Variants in KIAA1671 observed in about 807,000 individuals in gnomAD.
KIAA1671 encodes uncharacterized protein KIAA1671.
In KIAA1671, 52 loss-of-function variants were observed where a neutral mutation model predicts 131.2. That is an observed-to-expected ratio of 0.40 (90% CI 0.32 to 0.50). The LOEUF is 0.50. Ranked by LOEUF, KIAA1671 falls within the 20% of genes least tolerant of loss-of-function variation. The pLI is 0.73. For missense variants in KIAA1671, 2,360 were observed against 2,364.2 expected (o/e 1.00, Z 0.04); for synonymous variants, 1,003 against 961.6 (o/e 1.04, Z -0.80).
At position 25,039,369 on chromosome 22, in the gene KIAA1671, G is replaced by T; in HGVS notation, c.2239G>T (p.Ala747Ser). The change falls in exon 5 of 13, where the codon GCC (alanine) becomes TCC (serine). Residue 747 changes from alanine to serine, a missense_variant. This residue lies in a region of KIAA1671 where 1,185 missense variants were observed against 1,126.2 expected (regional missense o/e 1.05). Transcript: ENST00000358431. The stretch of plus-strand genomic sequence containing the variant: ...AGTGGGAGAGCGTGTGCACAGCGAG[G>T]CCATCTCACCGGCACCGGAGGAGAA... ...HAVGERVHSE[A>S]ISPAPEEKAV... is the part of the protein sequence containing the mutation. 6.4e-7 allele frequency: 1 copy of T among 1,551,876 alleles called. No homozygotes were observed. Among genetic ancestry groups the T allele is most frequent in the Non-Finnish European group, 8.7e-7 (1 of 1,147,040 alleles).
chr22:25,061,867 C>T (rs974528494), intron 6 of KIAA1671: 3 of 152,388 alleles, frequency 2.0e-5, no homozygotes, highest in African/African-American at 4.8e-5. Context: ...CAGGCAAGAC[C>T]TTCTAGCTTG....
At chr22:25,145,869 G>A (rs1257156292) in intron 6 of KIAA1671, among the ~76,000 whole-genome samples, 1 of 151,246 alleles carries the variant, frequency 6.6e-6, no homozygotes. Context: ...GAGCCCAGAA[G>A]TTCAAGGCTG....
chr22:25,065,767 G>A (rs916067057), intron 6 of KIAA1671, among the ~76,000 whole-genome samples: 1 of 151,840 alleles, frequency 6.6e-6, no homozygotes, highest in Non-Finnish European at 1.5e-5. Flanking sequence ...AGCCTCCCGA[G>A]TAGGTGGGAT....
chr22:25,151,986 G>A (rs965919388), intron 6 of KIAA1671, among the ~76,000 whole-genome samples: 4 of 152,142 alleles, frequency 2.6e-5, no homozygotes, highest in Admixed American at 2.6e-4. Context: ...TGATCCGCCC[G>A]CCTAAGCCTC....
intron 10 of KIAA1671, among the ~76,000 whole-genome samples, chr22:25,184,055 C>T (rs1032571340): frequency 6.6e-6 from 1 of 152,204 alleles, no homozygotes; most frequent in African/African-American, 2.4e-5. Flanking sequence ...GAAAACGGGG[C>T]TCTGGCCATT....
Position 25,029,045 on chromosome 22 carries a change from A to G in KIAA1671, c.1046A>G (p.Lys349Arg), listed in dbSNP as rs2145788069. The G allele has an allele frequency of 6.6e-7, 1 of 1,506,106 alleles. No individual in the cohort carries two copies. The highest frequency in any genetic ancestry group is 1.4e-5 in the African/African-American group (1 of 71,464). 93.3% of individuals were successfully genotyped at this position (1,506,106 alleles called of 1,614,324 possible). A position where few individuals can be genotyped will look rare whatever the true frequency, so the allele number is the denominator to read the frequency against. ...DPDLDFLEVA[K>R]KIRERKEKML... ...GATTTGGACTTCCTGGAGGTGGCCA[A>G]GAAAATCCGTGAACGGAAGGAGAAG... Residue 349 changes from lysine to arginine, a missense_variant, in exon 3 of 13, where the codon AAG becomes AGG. Around this residue, in one of 3 missense-constraint regions of KIAA1671, gnomAD observed 1,185 missense variants for 1,126.2 expected, o/e 1.05. Transcript: ENST00000358431.
intron 1 of KIAA1671, among the ~76,000 whole-genome samples, chr22:25,002,927 A>G (rs763688044): frequency 2.6e-4 from 39 of 152,120 alleles, no homozygotes; most frequent in Non-Finnish European, 4.9e-4. Context: ...CTACAGGCAC[A>G]AGCCCCCAGT....
chr22:25,023,391 A>C (rs1350769535), intron 1 of KIAA1671: 2 of 152,112 alleles, frequency 1.3e-5, no homozygotes, highest in Non-Finnish European at 2.9e-5. Flanking sequence ...AAATAAAATA[A>C]ATAAAAAATA....
chr22:25,180,278 C>A (rs957422910), intron 9 of KIAA1671, among the ~76,000 whole-genome samples: 1 of 152,230 alleles, frequency 6.6e-6, no homozygotes, highest in Non-Finnish European at 1.5e-5. Context: ...TGGTGGCTCA[C>A]GCCTGTAATC....
chr22:25,118,429 C>T (rs2145924976), intron 6 of KIAA1671, among the ~76,000 whole-genome samples: 1 of 152,270 alleles, frequency 6.6e-6, no homozygotes, highest in African/African-American at 2.4e-5. Flanking sequence ...GCTGGGACTA[C>T]AGGTGTACAC....
chr22:25,139,826 A>G (rs1002521645), intron 6 of KIAA1671, among the ~76,000 whole-genome samples: 1 of 152,166 alleles, frequency 6.6e-6, no homozygotes, highest in Non-Finnish European at 1.5e-5. Context: ...GATATCTAGG[A>G]AAAGGAAGAA....
chr22:25,186,082 G>A (rs1934465980), intron 11 of KIAA1671: 1 of 152,264 alleles, frequency 6.6e-6, no homozygotes, highest in Admixed American at 6.5e-5. Flanking sequence ...TTGGAACACA[G>A]CCACATGCAT....
chr22:24,957,603 G>C (rs1258615962), intron 1 of KIAA1671, among the ~76,000 whole-genome samples: 1 of 150,748 alleles, frequency 6.6e-6, no homozygotes, highest in African/African-American at 2.4e-5. Context: ...TGGGGAGAAT[G>C]TAGGTAAAGC....
At chr22:25,031,669 A>T (rs1926301144) in intron 3 of KIAA1671, among the ~76,000 whole-genome samples, 1 of 152,190 alleles carries the variant, frequency 6.6e-6, no homozygotes, top group Non-Finnish European at 1.5e-5. Context: ...AGTCGATCTT[A>T]TGTGTAGCCG....
chr22:25,145,709 C>T (rs1489171722), intron 6 of KIAA1671, among the ~76,000 whole-genome samples: 7 of 152,136 alleles, frequency 4.6e-5, no homozygotes, highest in African/African-American at 7.2e-5. Context: ...GAAGCCGAGG[C>T]GGGTGGATCA....
chr22:25,016,309 G>A (rs895327334), intron 1 of KIAA1671, among the ~76,000 whole-genome samples: 5 of 151,910 alleles, frequency 3.3e-5, no homozygotes, highest in South Asian at 4.2e-4. Context: ...GTGAGCCACC[G>A]TGCCCAGCCA....
intron 5 of KIAA1671, among the ~76,000 whole-genome samples, chr22:25,046,024 G>C (rs901032898): frequency 6.6e-6 from 1 of 152,076 alleles, no homozygotes; most frequent in South Asian, 2.1e-4. Context: ...GGGTTGTGCC[G>C]GGTGCAGTGG....
intron 6 of KIAA1671, among the ~76,000 whole-genome samples, chr22:25,138,262 G>A (rs557304238): frequency 3.3e-5 from 5 of 152,352 alleles, no homozygotes; most frequent in African/African-American, 1.2e-4. Flanking sequence ...CTGCATGGCT[G>A]ATGGAAGGAG....
chr22:25,182,770 G>A (rs552672250), intron 10 of KIAA1671, among the ~76,000 whole-genome samples: 1 of 152,342 alleles, frequency 6.6e-6, no homozygotes, highest in East Asian at 1.9e-4. Flanking sequence ...ACGCTCACCA[G>A]TGCTGAACAT....
Sources: allele counts gnomAD v4.1 joint callset (sites outside exome capture counted in the v4.1 genomes callset), GRCh38; gene constraint gnomAD v4.1.1; regional missense constraint gnomAD v4.1.1; transcripts MANE v1.5; gene names NCBI Gene and HGNC (gene_info 2026-07-23, HGNC 2026-07-21).